TTC39B: variants seen among roughly 807,000 people sequenced by gnomAD.
TTC39B encodes the protein tetratricopeptide repeat protein 39B.
A neutral mutation model predicts 96.6 loss-of-function variants in TTC39B; 92 were observed. That is an observed-to-expected ratio of 0.95 (90% CI 0.80 to 1.13). The LOEUF is 1.13. Among genes scored for constraint, TTC39B ranks in the 50% most tolerant of loss-of-function variants. The pLI is 0.00. For synonymous variants in TTC39B, 367 were observed against 299.4 expected (o/e 1.23, Z -2.33); for missense variants, 955 against 809.3 (o/e 1.18, Z -2.18).
intron 11 of TTC39B, 129 bp from the exon 12 acceptor site, chr9:15,189,921 T>A (rs1818759843): frequency 3.0e-6 from 2 of 664,808 alleles, no homozygotes; most frequent in South Asian, 3.7e-5. Flanking sequence ...ATTTCATCAT[T>A]TTTATATCTG....
rs138496508 is a variant in TTC39B at position 15,298,717 on chromosome 9, T to A, written c.240+8367A>T. 3.1e-3 allele frequency among the ~76,000 whole-genome samples: 466 copies of A among 152,238 alleles called. 2 individuals are homozygous for A. Among genetic ancestry groups the A allele is most frequent in the African/African-American group, 0.011 (437 of 41,528 alleles). On this transcript the variant is annotated intron_variant, in intron 1 of 19. Transcript: ENST00000512701. ...GAACACAGCCAAACCATATCAATAATCATGTGAGACAACTCCCATAATAAA... is the reference window on the plus strand; with the variant it reads ...GAACACAGCCAAACCATATCAATAAACATGTGAGACAACTCCCATAATAAA...
In TTC39B at chr9:15,231,506, T is replaced by C. The variant is rs140316706; in HGVS notation, c.276-5494A>G. Among the ~76,000 whole-genome samples the C allele has an allele frequency of 3.9e-3, 598 of 152,344 alleles. 4 individuals carry two copies. Among genetic ancestry groups the C allele is most frequent in the African/African-American group, 0.013 (544 of 41,578 alleles). ...GGCCAATTGTATGTCTTCTTTGGAG[T>C]AATGTCTATTCAGATTATTTTCCCA... is the stretch of plus-strand genomic sequence containing the variant. On this transcript the variant is annotated intron_variant, in intron 2 of 19. Coordinates refer to ENST00000512701, the Ensembl canonical transcript of TTC39B.
At chr9:15,242,535 A>T (rs1051676944) in intron 2 of TTC39B, among the ~76,000 whole-genome samples, 18 of 152,130 alleles carry the variant, frequency 1.2e-4, no homozygotes, top group Non-Finnish European at 2.1e-4. Flanking sequence ...GTGAGCTGTG[A>T]TCATGTCACT....
intron 2 of TTC39B, among the ~76,000 whole-genome samples, chr9:15,267,233 GA>G (rs1407671063): frequency 6.6e-6 from 1 of 152,216 alleles, no homozygotes; most frequent in Non-Finnish European, 1.5e-5. Context: ...AAAATTGTGA[GA>G]AAATAAATTA....
chr9:15,286,403 C>T (rs1438363535), intron 1 of TTC39B, among the ~76,000 whole-genome samples: 1 of 152,114 alleles, frequency 6.6e-6, no homozygotes, highest in Non-Finnish European at 1.5e-5. Context: ...CTGATGTTTC[C>T]TTGTGATTCG....
intron 1 of TTC39B, 79 bp from the exon 2 acceptor site, chr9:15,268,027 T>A: frequency 7.5e-7 from 1 of 1,337,544 alleles, no homozygotes; most frequent in Non-Finnish European, 1.1e-6. Context: ...AGAAAATGAA[T>A]ACACGCATTG....
chr9:15,271,671 G>T (rs926222608), intron 1 of TTC39B, among the ~76,000 whole-genome samples: 1 of 152,138 alleles, frequency 6.6e-6, no homozygotes, highest in African/African-American at 2.4e-5. Context: ...ACAGGCTACA[G>T]ACCAGTACCA....
chr9:15,257,594 G>A (rs1038584620), intron 2 of TTC39B, among the ~76,000 whole-genome samples: 4 of 152,020 alleles, frequency 2.6e-5, no homozygotes, highest in Admixed American at 6.5e-5. Context: ...AACTACAGAT[G>A]TGTCACCACA....
At chr9:15,258,559 C>T (rs1822836081) in intron 2 of TTC39B, among the ~76,000 whole-genome samples, 1 of 152,152 alleles carries the variant, frequency 6.6e-6, no homozygotes, top group Admixed American at 6.5e-5. Context: ...GGAGCAGCAG[C>T]CATGTCAAGA....
chr9:15,201,693 A>AC (rs1819548439), intron 7 of TTC39B, among the ~76,000 whole-genome samples: 1 of 152,140 alleles, frequency 6.6e-6, no homozygotes. Context: ...TAAGAAAGCT[A>AC]CCTCCAGCCA....
chr9:15,270,667 C>G (rs144988271), intron 1 of TTC39B, among the ~76,000 whole-genome samples: 3,923 of 150,884 alleles, frequency 0.026, 174 homozygotes, highest in African/African-American at 0.091. Flanking sequence ...GTAGTCCCAG[C>G]TACTCGAGAG....
intron 1 of TTC39B, among the ~76,000 whole-genome samples, chr9:15,280,271 A>T (rs1164441489): frequency 6.6e-6 from 1 of 152,170 alleles, no homozygotes; most frequent in East Asian, 1.9e-4. Flanking sequence ...CTTTCCTGTA[A>T]CAGTCACAAA....
chr9:15,210,284 T>TAA, intron 5 of TTC39B, 120 bp from the exon 6 acceptor site: 1 of 657,470 alleles, frequency 1.5e-6, no homozygotes, highest in Non-Finnish European at 2.6e-6. Flanking sequence ...GCTGAAACTC[T>TAA]AAACCCTGAA....
chr9:15,263,919 C>G (rs955126999), intron 2 of TTC39B, among the ~76,000 whole-genome samples: 1 of 152,144 alleles, frequency 6.6e-6, no homozygotes, highest in African/African-American at 2.4e-5. Context: ...ATAATGCACA[C>G]CAGAAACCTA....
At chr9:15,227,037 T>C (rs1457029577) in intron 2 of TTC39B, among the ~76,000 whole-genome samples, 1 of 152,216 alleles carries the variant, frequency 6.6e-6, no homozygotes, top group African/African-American at 2.4e-5. Flanking sequence ...ATGGGTGCAG[T>C]GGCTCACGCC....
chr9:15,278,234 T>C (rs986401395), intron 1 of TTC39B, among the ~76,000 whole-genome samples: 2 of 152,180 alleles, frequency 1.3e-5, no homozygotes, highest in African/African-American at 2.4e-5. Flanking sequence ...AATCTTAACA[T>C]TGAACAAATA....
chr9:15,281,125 T>A (rs1422141017), intron 1 of TTC39B, among the ~76,000 whole-genome samples: 2 of 152,168 alleles, frequency 1.3e-5, no homozygotes, highest in African/African-American at 4.8e-5. Flanking sequence ...TTTAACAAAC[T>A]TTCTTTATTT....
At chr9:15,293,276 C>T (rs1320535965) in intron 1 of TTC39B, among the ~76,000 whole-genome samples, 1 of 152,108 alleles carries the variant, frequency 6.6e-6, no homozygotes, top group African/African-American at 2.4e-5. Flanking sequence ...TGTGTAAGTG[C>T]ACTATGATGC....
intron 2 of TTC39B, among the ~76,000 whole-genome samples, chr9:15,267,708 T>C (rs1357498084): frequency 1.3e-5 from 2 of 152,190 alleles, no homozygotes; most frequent in African/African-American, 4.8e-5. Context: ...TTACAAGAAA[T>C]AATACTCAGA....
Sources: gnomAD v4.1 joint callset for allele counts (sites outside exome capture counted in the v4.1 genomes callset) on GRCh38, gnomAD v4.1.1 for gene constraint, MANE v1.5 for transcripts, NCBI Gene and HGNC (gene_info 2026-07-23, HGNC 2026-07-21) for gene names.